The following ITPK1 variants were observed in gnomAD, a reference collection of about 807,000 sequenced individuals.
ITPK1 encodes inositol 1,3,4-trisphosphate 5/6-kinase.
A neutral mutation model predicts 45.3 loss-of-function variants in ITPK1; 21 were observed. The observed-to-expected ratio is 0.46, with a 90% CI of 0.33 to 0.67. ITPK1 has a LOEUF of 0.67. ITPK1 is among the 30% of genes least tolerant of loss of function. The pLI is 0.02. For missense variants in ITPK1, 474 were observed against 573.5 expected (o/e 0.83, Z 1.77); for synonymous variants, 258 against 253.6 (o/e 1.02, Z -0.16).
rs1414064631 is a variant in ITPK1 at position 93,052,541 on chromosome 14, C to T, written c.120+24054G>A. On this transcript the variant is annotated intron_variant, in intron 3 of 10. Coordinates refer to ENST00000267615, the MANE Select transcript of ITPK1 (RefSeq NM_014216.6). ...TCTTACCCTGGGGGCCTTATCTGTC[C>T]TTCTGTGAGGGCCAAAGGAACCCCC... Among the ~76,000 whole-genome samples the T allele has an allele frequency of 2.6e-5, 4 of 152,274 alleles. No homozygotes were observed. In the East Asian group the frequency reaches 7.7e-4, roughly 29 times the overall value.
rs149750811 is a variant in ITPK1 at position 93,005,567 on chromosome 14, G to A, written c.246+11109C>T. Among the ~76,000 whole-genome samples, 279 of 152,284 alleles carry A rather than the reference G, an allele frequency of 1.8e-3. 2 individuals carry two copies. The highest frequency in any genetic ancestry group is 2.9e-3 in the Non-Finnish European group (200 of 68,024). Reference sequence around the variant, plus strand: ...ATCCTGGCACCCTCCAACACTCTGTGACTCCATGCCAAGGTAAACTGATTA... The same window carrying A: ...ATCCTGGCACCCTCCAACACTCTGTAACTCCATGCCAAGGTAAACTGATTA... On this transcript the variant is annotated intron_variant, in intron 4 of 10. Coordinates refer to ENST00000267615, the MANE Select transcript of ITPK1 (RefSeq NM_014216.6).
At chr14:92,996,852 C>T (rs1887081768) in intron 4 of ITPK1, among the ~76,000 whole-genome samples, 1 of 152,204 alleles carries the variant, frequency 6.6e-6, no homozygotes, top group African/African-American at 2.4e-5. Context: ...CCGATGTCGT[C>T]ACCTCTCAGA....
Position 93,063,077 on chromosome 14 carries a change from TC to T in ITPK1, c.120+13517del, listed in dbSNP as rs970526156. Among the ~76,000 whole-genome samples, 2 of 150,566 alleles carry T rather than the reference TC, an allele frequency of 1.3e-5. No individual in the cohort carries two copies. Among genetic ancestry groups the T allele is most frequent in the African/African-American group, 4.9e-5 (2 of 41,094 alleles). On this transcript the variant is annotated intron_variant, in intron 3 of 10. Transcript: ENST00000267615. This position sits in a 1 kb window ranked among gnomAD's most constrained non-coding sequence, Gnocchi z 4.3. Reference sequence around the variant, plus strand: ...GCCCCCACCCCACCCCCATCTCCCATCTCTCTCCCACGCCAGACCCTTCTCC... The same window carrying T: ...GCCCCCACCCCACCCCCATCTCCCATTCTCTCCCACGCCAGACCCTTCTCC...
At chr14:93,109,096 C>A (rs1265900571) in intron 2 of ITPK1, among the ~76,000 whole-genome samples, 1 of 152,112 alleles carries the variant, frequency 6.6e-6, no homozygotes, top group African/African-American at 2.4e-5. Context: ...TACACCCAGG[C>A]AAGGGGACGG....
At position 93,012,380 on chromosome 14, in the gene ITPK1, G is replaced by C. The variant is rs1052199431; in HGVS notation, c.246+4296C>G. Among the ~76,000 whole-genome samples, 6 of 152,230 alleles carry C rather than the reference G, an allele frequency of 3.9e-5. No homozygotes were observed. The highest frequency in any genetic ancestry group is 8.8e-5 in the Non-Finnish European group (6 of 68,040). ...CTTGGGAAGGGGCACTGAGCTGACG[G>C]AACAGCTTGTGCAAAGGCGCTGAGG... On this transcript the variant is annotated intron_variant, in intron 4 of 10. Coordinates refer to ENST00000267615, the MANE Select transcript of ITPK1 (RefSeq NM_014216.6). The surrounding 1 kb of genome is among the most constrained non-coding windows in gnomAD (Gnocchi z 4.9).
Position 92,938,471 on chromosome 14 carries a change from C to T in ITPK1, c.*3090G>A. 6.2e-7 allele frequency: 1 copy of T among 1,610,332 alleles called. No homozygotes were observed. Among genetic ancestry groups the T allele is most frequent in the Non-Finnish European group, 8.5e-7 (1 of 1,176,502 alleles). On this transcript the variant is annotated 3_prime_UTR_variant, in exon 11 of 11. Transcript: ENST00000267615. The stretch of plus-strand genomic sequence containing the variant: ...TTGCTCAGTTGGCTCAAACATGTGA[C>T]AGCTTCCTACTTCAGTCGGTCTTCC...
At position 92,949,830 on chromosome 14, in the gene ITPK1, C is replaced by T. The variant is rs80235040; in HGVS notation, c.738+2116G>A. Reference sequence around the variant, plus strand: ...CCAAAACCAAATAGCCATCCTAGGACAAGATGCCTGGGGCCCTCAAAGCAA... The same window carrying T: ...CCAAAACCAAATAGCCATCCTAGGATAAGATGCCTGGGGCCCTCAAAGCAA... On this transcript the variant is annotated intron_variant, in intron 9 of 10. Coordinates refer to ENST00000267615, the MANE Select transcript of ITPK1 (RefSeq NM_014216.6). Among the ~76,000 whole-genome samples, 3 of 152,214 alleles carry T rather than the reference C, an allele frequency of 2.0e-5. No homozygotes were observed. The East Asian group carries it at 5.8e-4, about 29-fold the overall frequency.
chr14:92,962,212 G>A (rs1885111453), intron 7 of ITPK1, 143 bp downstream of exon 7: 1 of 719,762 alleles, frequency 1.4e-6, no homozygotes, highest in Admixed American at 2.0e-5. Context: ...GTCCAGGGAA[G>A]GGAAGGAGGC....
chr14:93,019,892 T>C (rs1349892878), intron 3 of ITPK1, among the ~76,000 whole-genome samples: 2 of 152,292 alleles, frequency 1.3e-5, no homozygotes, highest in South Asian at 2.1e-4. Flanking sequence ...TCATTCTGCT[T>C]TTCTGACCAC....
intron 7 of ITPK1, among the ~76,000 whole-genome samples, chr14:92,959,784 A>C (rs781023513): frequency 2.0e-5 from 3 of 152,200 alleles, no homozygotes; most frequent in Non-Finnish European, 2.9e-5. Context: ...AAAAACCCAA[A>C]TAAAAGAGTT....
chr14:93,060,775 G>T (rs1248213363), intron 3 of ITPK1, among the ~76,000 whole-genome samples: 2 of 152,140 alleles, frequency 1.3e-5, no homozygotes, highest in Non-Finnish European at 2.9e-5. Flanking sequence ...CAGAGTGATT[G>T]GTGCTTGGAG....
intron 2 of ITPK1, among the ~76,000 whole-genome samples, chr14:93,091,796 A>G (rs1486238792): frequency 6.6e-6 from 1 of 152,176 alleles, no homozygotes; most frequent in Non-Finnish European, 1.5e-5. Context: ...ATAGAAGAGC[A>G]AGGAGGCAAA....
At chr14:92,961,731 G>A (rs1283494815) in intron 7 of ITPK1, among the ~76,000 whole-genome samples, 12 of 152,328 alleles carry the variant, frequency 7.9e-5, no homozygotes, top group South Asian at 2.1e-4. Context: ...TGGACTGAAC[G>A]TGTGCCCCAG....
chr14:92,943,268 C>T (rs1243222950), intron 10 of ITPK1, among the ~76,000 whole-genome samples: 1 of 152,252 alleles, frequency 6.6e-6, no homozygotes, highest in Non-Finnish European at 1.5e-5. Context: ...GCGTTCACAG[C>T]ACTCGGGAAG....
At chr14:93,045,197 G>T (rs1257276283) in intron 3 of ITPK1, among the ~76,000 whole-genome samples, 1 of 152,220 alleles carries the variant, frequency 6.6e-6, no homozygotes, top group African/African-American at 2.4e-5. Flanking sequence ...TCACAAATAA[G>T]CAGAGGCCAG....
intron 4 of ITPK1, among the ~76,000 whole-genome samples, chr14:92,996,660 C>T (rs1887072837): frequency 6.6e-6 from 1 of 152,148 alleles, no homozygotes; most frequent in Admixed American, 6.5e-5. Context: ...AGCAGATACT[C>T]AGATGATCAA....
chr14:93,039,270 C>T (rs900390015), intron 3 of ITPK1, among the ~76,000 whole-genome samples: 1 of 152,228 alleles, frequency 6.6e-6, no homozygotes, highest in African/African-American at 2.4e-5. Context: ...GAAACACCCC[C>T]CACCTCCTTG....
At chr14:92,986,972 C>T (rs1886516120) in intron 5 of ITPK1, among the ~76,000 whole-genome samples, 1 of 152,210 alleles carries the variant, frequency 6.6e-6, no homozygotes, top group African/African-American at 2.4e-5. Flanking sequence ...ATGCCAGGGG[C>T]TGCTGCCCTG....
intron 4 of ITPK1, among the ~76,000 whole-genome samples, chr14:93,003,194 A>G (rs926984456): frequency 2.6e-5 from 4 of 152,242 alleles, no homozygotes; most frequent in Non-Finnish European, 5.9e-5. Context: ...TCGAAGGCAG[A>G]AAGTGTGGTT....
Sources: allele counts gnomAD v4.1 joint callset (sites outside exome capture counted in the v4.1 genomes callset), GRCh38; gene constraint gnomAD v4.1.1; non-coding constraint Gnocchi (gnomAD v3.1); transcripts MANE v1.5; gene names NCBI Gene and HGNC (gene_info 2026-07-23, HGNC 2026-07-21).